Variants in LHFPL3 observed in about 807,000 individuals in gnomAD.
The protein encoded by LHFPL3 is LHFPL tetraspan subfamily member 3, also known as LHFPL tetraspan subfamily member 3 protein.
A neutral mutation model predicts 19.3 loss-of-function variants in LHFPL3; 5 were observed. The observed-to-expected ratio is 0.26, with a 90% CI of 0.14 to 0.54. LHFPL3 has a LOEUF of 0.54. LHFPL3 is among the 20% of genes least tolerant of loss of function. The pLI is 0.94. For missense variants in LHFPL3, 249 were observed against 307.4 expected (o/e 0.81, Z 1.42); for synonymous variants, 133 against 126.2 (o/e 1.05, Z -0.36).
At chr7:104,604,387 G>A (rs1006879357) in intron 1 of LHFPL3, among the ~76,000 whole-genome samples, 1 of 152,186 alleles carries the variant, frequency 6.6e-6, no homozygotes, top group Non-Finnish European at 1.5e-5. Flanking sequence ...CTAGAGCTCT[G>A]GGCCTGTGAT....
intron 2 of LHFPL3, among the ~76,000 whole-genome samples, chr7:104,772,667 C>T (rs373926139): frequency 2.0e-5 from 3 of 152,198 alleles, no homozygotes; most frequent in Non-Finnish European, 4.4e-5. Context: ...ATCTCATTCC[C>T]CTGCTGCCTC....
intron 1 of LHFPL3, among the ~76,000 whole-genome samples, chr7:104,436,693 G>A (rs1341665849): frequency 6.6e-6 from 1 of 152,176 alleles, no homozygotes; most frequent in Admixed American, 6.5e-5. Context: ...ATTATCGTTA[G>A]CTGCATTTAC....
intron 1 of LHFPL3, among the ~76,000 whole-genome samples, chr7:104,357,271 G>T (rs889684629): frequency 6.6e-6 from 1 of 152,146 alleles, no homozygotes; most frequent in Non-Finnish European, 1.5e-5. Flanking sequence ...TATTCTCAGA[G>T]CTAGAGATCA....
At chr7:104,350,318 C>A (rs1424696535) in intron 1 of LHFPL3, among the ~76,000 whole-genome samples, 2 of 152,110 alleles carry the variant, frequency 1.3e-5, no homozygotes, top group East Asian at 3.9e-4. Flanking sequence ...GTAGCAAGTT[C>A]TATTGGACAG....
chr7:104,482,331 C>G (rs1014747814), intron 1 of LHFPL3, among the ~76,000 whole-genome samples: 1 of 152,190 alleles, frequency 6.6e-6, no homozygotes, highest in Non-Finnish European at 1.5e-5. Flanking sequence ...CTTCTAGGAA[C>G]CACATCTAAG....
intron 1 of LHFPL3, among the ~76,000 whole-genome samples, chr7:104,465,223 T>C (rs898072217): frequency 1.3e-5 from 2 of 151,856 alleles, no homozygotes; most frequent in African/African-American, 4.9e-5. Flanking sequence ...ATTGTCCATA[T>C]CACCATATGG....
chr7:104,718,339 G>T (rs554804196), intron 1 of LHFPL3, among the ~76,000 whole-genome samples: 2 of 152,106 alleles, frequency 1.3e-5, no homozygotes, highest in African/African-American at 4.8e-5. Context: ...AGCTGCATTC[G>T]TGCCATATTC....
intron 2 of LHFPL3, among the ~76,000 whole-genome samples, chr7:104,836,601 G>A (rs141417046): frequency 2.0e-5 from 3 of 152,306 alleles, no homozygotes; most frequent in African/African-American, 7.2e-5. Flanking sequence ...TCTGCCCTGA[G>A]AATTGAAGTC....
intron 1 of LHFPL3, among the ~76,000 whole-genome samples, chr7:104,543,398 G>T (rs1794525022): frequency 6.6e-6 from 1 of 151,916 alleles, no homozygotes; most frequent in African/African-American, 2.4e-5. Context: ...ATTTGACCCA[G>T]CCATCCCATT....
At chr7:104,524,199 A>G (rs1244758137) in intron 1 of LHFPL3, among the ~76,000 whole-genome samples, 2 of 152,160 alleles carry the variant, frequency 1.3e-5, no homozygotes, top group Non-Finnish European at 2.9e-5. Context: ...GGCAAGAAGG[A>G]TGGCAGGCCA....
chr7:104,715,765 T>C (rs557750436), intron 1 of LHFPL3, among the ~76,000 whole-genome samples: 1 of 152,236 alleles, frequency 6.6e-6, no homozygotes, highest in South Asian at 2.1e-4. Flanking sequence ...TGTATGATCA[T>C]TTTTAATGTG....
At chr7:104,588,291 G>A (rs1790628213) in intron 1 of LHFPL3, among the ~76,000 whole-genome samples, 1 of 152,134 alleles carries the variant, frequency 6.6e-6, no homozygotes, top group African/African-American at 2.4e-5. Context: ...ATTAATTTTT[G>A]TATAAGGTGT....
intron 1 of LHFPL3, among the ~76,000 whole-genome samples, chr7:104,607,095 G>A (rs4727604): frequency 0.91 from 139,269 of 152,320 alleles, 64,070 homozygotes; most frequent in East Asian, 0.99. Context: ...ACATCTTAGC[G>A]GAGTTCAGGC....
At chr7:104,703,855 T>G (rs1793143003) in intron 1 of LHFPL3, among the ~76,000 whole-genome samples, 1 of 152,212 alleles carries the variant, frequency 6.6e-6, no homozygotes, top group Admixed American at 6.5e-5. Context: ...ATTTTTGCCC[T>G]GTTAATTCGG....
intron 1 of LHFPL3, among the ~76,000 whole-genome samples, chr7:104,368,047 T>A (rs1381276605): frequency 1.3e-5 from 2 of 152,232 alleles, no homozygotes; most frequent in African/African-American, 4.8e-5. Flanking sequence ...CATTAGGAAT[T>A]CAGTGTTCTT....
intron 2 of LHFPL3, among the ~76,000 whole-genome samples, chr7:104,742,957 A>T (rs908458015): frequency 6.6e-6 from 1 of 151,988 alleles, no homozygotes; most frequent in Non-Finnish European, 1.5e-5. Flanking sequence ...TCTCTATTAA[A>T]AATACAAAAA....
chr7:104,727,378 T>G (rs1335681279), intron 1 of LHFPL3, among the ~76,000 whole-genome samples: 1 of 152,206 alleles, frequency 6.6e-6, no homozygotes, highest in Non-Finnish European at 1.5e-5. Flanking sequence ...TTTTTGACGT[T>G]TTCCTCATGA....
intron 1 of LHFPL3, among the ~76,000 whole-genome samples, chr7:104,441,065 C>G (rs955287096): frequency 1.4e-5 from 2 of 147,084 alleles, no homozygotes; most frequent in Non-Finnish European, 3.0e-5. Flanking sequence ...TGAGATCTAC[C>G]CTCTTAATAA....
intron 1 of LHFPL3, among the ~76,000 whole-genome samples, chr7:104,437,181 T>C (rs1380653843): frequency 1.3e-5 from 2 of 152,266 alleles, no homozygotes; most frequent in Non-Finnish European, 2.9e-5. Flanking sequence ...TCTCAACTTC[T>C]GTACTTTGTC....
Sources: gnomAD v4.1 joint callset for allele counts (sites outside exome capture counted in the v4.1 genomes callset) on GRCh38, gnomAD v4.1.1 for gene constraint, MANE v1.5 for transcripts, NCBI Gene and HGNC (gene_info 2026-07-23, HGNC 2026-07-21) for gene names.